NTN1: variants seen among roughly 807,000 people sequenced by gnomAD.
The protein encoded by NTN1 is netrin-1.
Under a neutral mutation model 54.2 loss-of-function variants are expected in NTN1, and 11 were observed. That is an observed-to-expected ratio of 0.20 (90% CI 0.13 to 0.34). NTN1 has a LOEUF of 0.34. NTN1 is among the 10% of genes least tolerant of loss of function. The probability of loss-of-function intolerance (pLI) is 1.00; values close to 1 mark genes in which losing one functional copy is unlikely to be tolerated. For missense variants in NTN1, 740 were observed against 893.1 expected, an observed-to-expected ratio of 0.83 and a Z score of 2.18; for synonymous variants, 371 against 382.0, an observed-to-expected ratio of 0.97 and a Z score of 0.33.
chr17:9,027,811 C>T (rs1303138987), intron 2 of NTN1, among the ~76,000 whole-genome samples: 2 of 152,086 alleles, frequency 1.3e-5, no homozygotes, highest in Non-Finnish European at 2.9e-5. Context: ...TCTTGGCATC[C>T]ACAGGTGTTG....
At chr17:9,028,574 ATT>A (rs1286009957) in intron 2 of NTN1, among the ~76,000 whole-genome samples, 1 of 152,190 alleles carries the variant, frequency 6.6e-6, no homozygotes, top group Non-Finnish European at 1.5e-5. Context: ...TCAGAAAACT[ATT>A]TGAGACTTTA....
intron 5 of NTN1, among the ~76,000 whole-genome samples, chr17:9,216,162 T>G (rs1384471647): frequency 6.6e-6 from 1 of 152,252 alleles, no homozygotes; most frequent in African/African-American, 2.4e-5. Context: ...TTTGCAGCAT[T>G]GCCCAGGCTG....
intron 3 of NTN1, among the ~76,000 whole-genome samples, chr17:9,169,363 G>C (rs1567727394): frequency 6.6e-6 from 1 of 152,234 alleles, no homozygotes; most frequent in Non-Finnish European, 1.5e-5. Flanking sequence ...GAAATTAGGT[G>C]GAGGTGGTTT....
the NTN1 span, among the ~76,000 whole-genome samples, chr17:9,006,890 G>A: frequency 1.3e-5 from 2 of 152,172 alleles, no homozygotes; most frequent in Non-Finnish European, 2.9e-5. Flanking sequence ...ATAGTTCTGG[G>A]TTATCCTCTC....
At chr17:9,229,428 A>G (rs994917819) in intron 6 of NTN1, among the ~76,000 whole-genome samples, 4 of 151,682 alleles carry the variant, frequency 2.6e-5, no homozygotes, top group Middle Eastern at 3.2e-3. Context: ...ATTCCTGTCA[A>G]TAGGACGCTG....
intron 2 of NTN1, among the ~76,000 whole-genome samples, chr17:9,048,938 G>A (rs1413846707): frequency 6.6e-6 from 1 of 152,208 alleles, no homozygotes; most frequent in Non-Finnish European, 1.5e-5. Flanking sequence ...TTACAGGCAT[G>A]AGCCACCGCG....
At position 9,208,197 on chromosome 17, in the gene NTN1, A is replaced by C. The variant is rs550637286; in HGVS notation, c.1412-12971A>C. Among the ~76,000 whole-genome samples the C allele has an allele frequency of 4.6e-5, 7 of 152,228 alleles. No individual in the cohort carries two copies. In the East Asian group the frequency reaches 1.4e-3, roughly 29 times the overall value. The stretch of plus-strand genomic sequence containing the variant: ...CAGTGAGCTGAGATCATGCCATTGC[A>C]CTCCAGCCTAGGCCACAGATCGACA... On this transcript the variant is annotated intron_variant, in intron 5 of 6. Transcript: ENST00000173229.
At chr17:9,108,889 T>G (rs1340530239) in intron 2 of NTN1, among the ~76,000 whole-genome samples, 2 of 152,222 alleles carry the variant, frequency 1.3e-5, no homozygotes, top group Non-Finnish European at 2.9e-5. Flanking sequence ...TTTTCTTTCT[T>G]TTTTTGAGAC....
At chr17:9,210,302 G>A (rs1383580377) in intron 5 of NTN1, among the ~76,000 whole-genome samples, 1 of 152,004 alleles carries the variant, frequency 6.6e-6, no homozygotes, top group East Asian at 1.9e-4. Context: ...CTACCCCTCA[G>A]GGAGCTGTCT....
chr17:9,064,116 A>G (rs1189448516), intron 2 of NTN1, among the ~76,000 whole-genome samples: 1 of 152,190 alleles, frequency 6.6e-6, no homozygotes, highest in Non-Finnish European at 1.5e-5. Flanking sequence ...GTTTGTAGGT[A>G]AGTGGAAACC....
At chr17:9,218,598 A>C (rs1905262071) in intron 5 of NTN1, among the ~76,000 whole-genome samples, 1 of 152,148 alleles carries the variant, frequency 6.6e-6, no homozygotes, top group Non-Finnish European at 1.5e-5. Context: ...CTGAAGGGAC[A>C]GGGGCAGGCT....
intron 5 of NTN1, among the ~76,000 whole-genome samples, chr17:9,215,758 C>G (rs1033579410): frequency 1.3e-5 from 2 of 152,080 alleles, no homozygotes; most frequent in Non-Finnish European, 2.9e-5. Flanking sequence ...TTTTCTTGTC[C>G]TGGTATTTCA....
chr17:9,080,857 G>C (rs888089939), intron 2 of NTN1, among the ~76,000 whole-genome samples: 2 of 152,198 alleles, frequency 1.3e-5, no homozygotes, highest in African/African-American at 4.8e-5. Context: ...TTCCTAGAGG[G>C]TGATGGTCCC....
At position 9,243,290 on chromosome 17, in the gene NTN1, C is replaced by G. The variant is rs968506225; in HGVS notation, c.*3322C>G. The G allele has an allele frequency of 1.3e-5, 2 of 152,136 alleles. No homozygotes were observed. The highest frequency in any genetic ancestry group is 2.9e-5 in the Non-Finnish European group (2 of 68,052). 9.4% of individuals were successfully genotyped at this position (152,136 alleles called of 1,614,324 possible). ...ACAACCCAGGGAGGGAGGGTCACAGCCCAGGGAGGCTGGGAGCTGCTCCAA... is the reference window on the plus strand; with the variant it reads ...ACAACCCAGGGAGGGAGGGTCACAGGCCAGGGAGGCTGGGAGCTGCTCCAA... On this transcript the variant is annotated 3_prime_UTR_variant, in exon 7 of 7. Transcript: ENST00000173229.
Position 9,162,418 on chromosome 17 carries a change from C to T in NTN1, c.1019-395C>T, listed in dbSNP as rs565563945. 2.6e-5 allele frequency among the ~76,000 whole-genome samples: 4 copies of T among 152,208 alleles called. No individual in the cohort carries two copies. In the South Asian group the frequency reaches 6.2e-4, roughly 24 times the overall value. ...TGGCCGCCCTCTGGCAACGTCCTCA[C>T]GGGATCTCTCCTCCGTGCACATGCG... On this transcript the variant is annotated intron_variant, in intron 2 of 6. Coordinates refer to ENST00000173229, the MANE Select transcript of NTN1 (RefSeq NM_004822.3).
intron 2 of NTN1, among the ~76,000 whole-genome samples, chr17:9,143,208 G>A (rs1424856630): frequency 6.6e-6 from 1 of 152,180 alleles, no homozygotes; most frequent in Non-Finnish European, 1.5e-5. Flanking sequence ...GCGATAAAGG[G>A]CCACAGACTC....
intron 3 of NTN1, 57 bp from the exon 4 acceptor site, chr17:9,179,749 CG>C: frequency 6.4e-7 from 1 of 1,567,936 alleles, no homozygotes; most frequent in Non-Finnish European, 8.7e-7. Context: ...GAAGGCTCTG[CG>C]GGGATGCACT....
At chr17:9,124,264 C>T (rs1200043026) in intron 2 of NTN1, among the ~76,000 whole-genome samples, 1 of 152,184 alleles carries the variant, frequency 6.6e-6, no homozygotes, top group African/African-American at 2.4e-5. Flanking sequence ...TTTTTCCTTC[C>T]AGAGGTGGGG....
chr17:9,132,155 C>T (rs1203524222), intron 2 of NTN1, among the ~76,000 whole-genome samples: 2 of 152,136 alleles, frequency 1.3e-5, no homozygotes, highest in Non-Finnish European at 2.9e-5. Flanking sequence ...CTCCAGAGCA[C>T]TCATCCAGTC....
Sources: allele counts gnomAD v4.1 joint callset (sites outside exome capture counted in the v4.1 genomes callset), GRCh38; gene constraint gnomAD v4.1.1; transcripts MANE v1.5; gene names NCBI Gene and HGNC (gene_info 2026-07-23, HGNC 2026-07-21).